KCNH8: variants seen among roughly 807,000 people sequenced by gnomAD.
KCNH8 encodes the protein potassium voltage-gated channel subfamily H member 8, also known as voltage-gated delayed rectifier potassium channel KCNH8.
Under a neutral mutation model 103.6 loss-of-function variants are expected in KCNH8, and 70 were observed. The ratio of observed to expected loss-of-function variants is 0.68; its 90% CI spans 0.56 to 0.82. The LOEUF is 0.82. KCNH8 is among the 40% of genes least tolerant of loss of function. KCNH8 has a pLI of 0.00. For missense variants in KCNH8, 1,217 were observed against 1,329.9 expected (o/e 0.92, Z 1.32); for synonymous variants, 498 against 489.4 (o/e 1.02, Z -0.23).
intron 11 of KCNH8, among the ~76,000 whole-genome samples, chr3:19,467,584 A>G (rs1472093304): frequency 6.6e-6 from 1 of 152,154 alleles, no homozygotes; most frequent in Non-Finnish European, 1.5e-5. Context: ...GGGGCAGGGA[A>G]GAATGTGTTT....
At chr3:19,368,197 G>A (rs538067140) in intron 5 of KCNH8, among the ~76,000 whole-genome samples, 1 of 152,014 alleles carries the variant, frequency 6.6e-6, no homozygotes, top group East Asian at 1.9e-4. Flanking sequence ...TATTGAAGAA[G>A]TTGAAGACAC....
chr3:19,157,178 G>A (rs972213772), intron 1 of KCNH8, among the ~76,000 whole-genome samples: 6 of 152,040 alleles, frequency 3.9e-5, no homozygotes, highest in African/African-American at 1.4e-4. Flanking sequence ...TTATTGAAAT[G>A]CCAAATATCC....
At chr3:19,301,137 C>G (rs1446458639) in intron 3 of KCNH8, among the ~76,000 whole-genome samples, 1 of 151,544 alleles carries the variant, frequency 6.6e-6, no homozygotes. Context: ...AGTGGCAAAG[C>G]TAGGACTTGA....
chr3:19,489,794 A>G (rs2068281439), intron 11 of KCNH8, among the ~76,000 whole-genome samples: 1 of 152,150 alleles, frequency 6.6e-6, no homozygotes, highest in African/African-American at 2.4e-5. Flanking sequence ...AACCAGAAAC[A>G]ACCAAAATCA....
intron 11 of KCNH8, among the ~76,000 whole-genome samples, chr3:19,500,043 C>T (rs1472557306): frequency 2.0e-5 from 3 of 152,046 alleles, no homozygotes; most frequent in African/African-American, 7.2e-5. Flanking sequence ...TTCAGGAAAC[C>T]CATCTCACAG....
Position 19,435,044 on chromosome 3 carries a change from A to C in KCNH8, c.1178-3120A>C, listed in dbSNP as rs1348110980. ...AATAAATCTTAAATGTTCTCACCACACACACACACAAAAAGACAACAATGT... is the reference window on the plus strand; with the variant it reads ...AATAAATCTTAAATGTTCTCACCACCCACACACACAAAAAGACAACAATGT... On this transcript the variant is annotated intron_variant, in intron 7 of 15. Coordinates refer to ENST00000328405, the MANE Select transcript of KCNH8 (RefSeq NM_144633.3). Among the ~76,000 whole-genome samples, 4 of 152,028 alleles carry C rather than the reference A, an allele frequency of 2.6e-5. No homozygotes were observed. The East Asian group carries it at 7.7e-4, about 29-fold the overall frequency.
intron 11 of KCNH8, among the ~76,000 whole-genome samples, chr3:19,474,579 A>T (rs1575110531): frequency 6.6e-6 from 1 of 152,310 alleles, no homozygotes; most frequent in East Asian, 1.9e-4. Context: ...GGGTCAGGGG[A>T]CCCAGGAAGA....
At chr3:19,240,796 A>G (rs2064130470) in intron 1 of KCNH8, among the ~76,000 whole-genome samples, 1 of 151,942 alleles carries the variant, frequency 6.6e-6, no homozygotes, top group Non-Finnish European at 1.5e-5. Context: ...TTATTAAGGC[A>G]AAAGCATTGA....
intron 2 of KCNH8, among the ~76,000 whole-genome samples, chr3:19,261,505 C>G (rs549301716): frequency 1.3e-5 from 2 of 151,666 alleles, no homozygotes; most frequent in African/African-American, 4.8e-5. Context: ...ACCTCATCTT[C>G]GATGTGTGGT....
intron 11 of KCNH8, among the ~76,000 whole-genome samples, chr3:19,483,070 C>A (rs955394087): frequency 2.6e-5 from 4 of 151,552 alleles, no homozygotes; most frequent in African/African-American, 9.7e-5. Context: ...CTATGCTTCT[C>A]TTTTTGTGGG....
chr3:19,197,228 C>T (rs2063611106), intron 1 of KCNH8, among the ~76,000 whole-genome samples: 1 of 152,004 alleles, frequency 6.6e-6, no homozygotes, highest in Non-Finnish European at 1.5e-5. Context: ...TTAATCCACC[C>T]CCAACAATTT....
intron 3 of KCNH8, among the ~76,000 whole-genome samples, chr3:19,308,696 CTCTCTCTCTCTCTCTCTCTCT>C (rs2065164588): frequency 1.5e-4 from 11 of 73,670 alleles, no homozygotes; most frequent in African/African-American, 3.6e-4. Flanking sequence ...CTCTCTCTCT[CTCTCTCTCTCTCTCTCTCTCT>C]CCCCCTCTCT....
At chr3:19,258,136 T>G (rs1030688807) in intron 2 of KCNH8, among the ~76,000 whole-genome samples, 6 of 152,096 alleles carry the variant, frequency 3.9e-5, no homozygotes, top group African/African-American at 1.4e-4. Context: ...AAGGTCCCAT[T>G]TTGAGGTACT....
intron 3 of KCNH8, among the ~76,000 whole-genome samples, chr3:19,307,199 G>C (rs1043407441): frequency 6.6e-6 from 1 of 150,978 alleles, no homozygotes; most frequent in African/African-American, 2.4e-5. Context: ...CATCTCAACA[G>C]CAAAACAAAA....
intron 3 of KCNH8, among the ~76,000 whole-genome samples, chr3:19,290,999 C>A (rs1005472383): frequency 6.6e-6 from 1 of 152,138 alleles, no homozygotes; most frequent in Non-Finnish European, 1.5e-5. Context: ...GGAATTTATC[C>A]ATTTCTTCCA....
At chr3:19,326,383 A>ATAT (rs1257267521) in intron 3 of KCNH8, among the ~76,000 whole-genome samples, 1 of 144,196 alleles carries the variant, frequency 6.9e-6, no homozygotes, top group East Asian at 2.0e-4. Flanking sequence ...ATATATATAT[A>ATAT]ATAAATGATT....
intron 5 of KCNH8, among the ~76,000 whole-genome samples, chr3:19,360,490 C>T (rs1368047286): frequency 6.6e-6 from 1 of 152,044 alleles, no homozygotes; most frequent in East Asian, 1.9e-4. Context: ...TGCATTCCCA[C>T]TATATCAGCA....
At chr3:19,270,065 A>G (rs995991798) in intron 2 of KCNH8, among the ~76,000 whole-genome samples, 1 of 152,174 alleles carries the variant, frequency 6.6e-6, no homozygotes, top group East Asian at 1.9e-4. Context: ...TTCCTAGTGT[A>G]CAGTAATCTT....
At chr3:19,390,381 C>T in intron 5 of KCNH8, 100 bp from the exon 6 acceptor site, 2 of 863,214 alleles carry the variant, frequency 2.3e-6, no homozygotes, top group Non-Finnish European at 3.6e-6. Context: ...GTTTGCCTGC[C>T]TGTCTCCCTT....
Sources: gnomAD v4.1 joint callset for allele counts (sites outside exome capture counted in the v4.1 genomes callset) on GRCh38, gnomAD v4.1.1 for gene constraint, MANE v1.5 for transcripts, NCBI Gene and HGNC (gene_info 2026-07-23, HGNC 2026-07-21) for gene names.